The following PTPRD variants were observed in gnomAD, a reference collection of about 807,000 sequenced individuals.
PTPRD encodes the protein protein tyrosine phosphatase receptor type D.
Under a neutral mutation model 214.5 loss-of-function variants are expected in PTPRD, and 34 were observed. The ratio of observed to expected loss-of-function variants is 0.16; its 90% confidence interval spans 0.12 to 0.21. PTPRD has a LOEUF of 0.21. PTPRD is among the 10% of genes least tolerant of loss of function. The probability of loss-of-function intolerance (pLI) is 1.00; values close to 1 mark genes in which losing one functional copy is unlikely to be tolerated. For missense variants in PTPRD, 2,545 were observed against 2,398.7 expected, an observed-to-expected ratio of 1.06 and a Z score of -1.27; for synonymous variants, 1,128 against 845.7, an observed-to-expected ratio of 1.33 and a Z score of -5.79.
At chr9:10,159,408 G>T (rs1031934241) in intron 3 of PTPRD, among the ~76,000 whole-genome samples, 2 of 151,388 alleles carry the variant, frequency 1.3e-5, no homozygotes, top group Non-Finnish European at 2.9e-5. Context: ...AAAAAAGCCA[G>T]GCAGAGAAGT....
chr9:9,729,480 T>C (rs527849435), intron 7 of PTPRD, among the ~76,000 whole-genome samples: 1 of 152,272 alleles, frequency 6.6e-6, no homozygotes, highest in South Asian at 2.1e-4. Flanking sequence ...AAAATATGAT[T>C]TTCTATATGG....
At chr9:9,187,924 T>TA (rs1216997405) in intron 9 of PTPRD, among the ~76,000 whole-genome samples, 4 of 151,784 alleles carry the variant, frequency 2.6e-5, no homozygotes, top group Admixed American at 6.6e-5. Flanking sequence ...TAATTTAAAT[T>TA]AAAAAAATCA....
rs147707813 is a variant in PTPRD at position 10,473,021 on chromosome 9, T to C, written c.-599-132004A>G. Among the ~76,000 whole-genome samples the C allele has an allele frequency of 2.4e-3, 360 of 152,180 alleles. 2 individuals are homozygous for C. Among genetic ancestry groups the C allele is most frequent in the African/African-American group, 8.1e-3 (337 of 41,562 alleles). ...TAATGTATTAAACATTAAGCTTATT[T>C]AATACATTAAGATTATTTTAATGTA... On this transcript the variant is annotated intron_variant, in intron 2 of 45. Transcript: ENST00000381196.
At chr9:9,299,813 ATG>A (rs932739950) in intron 9 of PTPRD, among the ~76,000 whole-genome samples, 3 of 151,402 alleles carry the variant, frequency 2.0e-5, no homozygotes, top group African/African-American at 4.8e-5. Context: ...AAAGACACAT[ATG>A]TGGGATGAGG....
At chr9:8,627,444 T>C (rs772430068) in intron 14 of PTPRD, among the ~76,000 whole-genome samples, 1 of 151,890 alleles carries the variant, frequency 6.6e-6, no homozygotes, top group Non-Finnish European at 1.5e-5. Flanking sequence ...AACATTTCTA[T>C]GGTTCGGTTA....
At chr9:8,669,139 G>C (rs1030522269) in intron 12 of PTPRD, among the ~76,000 whole-genome samples, 7 of 152,102 alleles carry the variant, frequency 4.6e-5, no homozygotes, top group African/African-American at 1.7e-4. Context: ...GAAGATTAGG[G>C]ATGCATGTAG....
chr9:10,343,741 TA>T (rs536152909), intron 2 of PTPRD, among the ~76,000 whole-genome samples: 6,670 of 152,056 alleles, frequency 0.044, 473 homozygotes, highest in African/African-American at 0.15. Flanking sequence ...TGATGAGCAT[TA>T]TTTTCATGTG....
At chr9:8,428,661 G>T (rs913127988) in intron 35 of PTPRD, among the ~76,000 whole-genome samples, 5 of 151,920 alleles carry the variant, frequency 3.3e-5, no homozygotes, top group Non-Finnish European at 7.4e-5. Context: ...ATTCGAAGTT[G>T]GCCAAAAAAA....
intron 2 of PTPRD, among the ~76,000 whole-genome samples, chr9:10,472,614 C>A (rs561630147): frequency 1.3e-5 from 2 of 152,094 alleles, no homozygotes; most frequent in Non-Finnish European, 2.9e-5. Flanking sequence ...TGGGATAACT[C>A]TGCTATGTGT....
chr9:9,245,782 A>G (rs1034883511), intron 9 of PTPRD, among the ~76,000 whole-genome samples: 2 of 152,156 alleles, frequency 1.3e-5, no homozygotes, highest in African/African-American at 2.4e-5. Flanking sequence ...GTAAAAATAA[A>G]TATATACAAT....
chr9:9,060,091 G>C (rs1460604865), intron 10 of PTPRD, among the ~76,000 whole-genome samples: 11 of 152,154 alleles, frequency 7.2e-5, no homozygotes, highest in Admixed American at 7.2e-4. Context: ...GCTAAGAATA[G>C]CTAAACTATT....
chr9:10,075,816 A>G (rs995477169), intron 3 of PTPRD, among the ~76,000 whole-genome samples: 2 of 152,100 alleles, frequency 1.3e-5, no homozygotes, highest in African/African-American at 4.8e-5. Context: ...CAAATAACCA[A>G]GGGCTGAGGT....
At chr9:9,736,148 C>A (rs1355504281) in intron 6 of PTPRD, among the ~76,000 whole-genome samples, 1 of 152,100 alleles carries the variant, frequency 6.6e-6, no homozygotes, top group Non-Finnish European at 1.5e-5. Flanking sequence ...TTGAACATAT[C>A]ATAGGATGTC....
chr9:9,121,872 G>C (rs1043961274), intron 10 of PTPRD, among the ~76,000 whole-genome samples: 5 of 152,084 alleles, frequency 3.3e-5, no homozygotes, highest in African/African-American at 1.2e-4. Flanking sequence ...AACTTGATCA[G>C]ATATATTTTG....
chr9:8,339,841 AAAAC>A (rs201654886), intron 42 of PTPRD, among the ~76,000 whole-genome samples: 6,411 of 152,068 alleles, frequency 0.042, 459 homozygotes, highest in African/African-American at 0.14. Context: ...ATTTCAAAAA[AAAAC>A]AAACCACTTT....
At chr9:9,238,699 T>C (rs1334919382) in intron 9 of PTPRD, among the ~76,000 whole-genome samples, 2 of 152,146 alleles carry the variant, frequency 1.3e-5, no homozygotes, top group Non-Finnish European at 2.9e-5. Context: ...TTCAATAAAA[T>C]GTCCATGCAA....
chr9:9,315,218 T>A (rs141087321), intron 9 of PTPRD, among the ~76,000 whole-genome samples: 1 of 151,992 alleles, frequency 6.6e-6, no homozygotes, highest in Non-Finnish European at 1.5e-5. Context: ...TTGTAATATA[T>A]AACTCCCAAA....
At chr9:8,467,222 C>T (rs2096562271) in intron 31 of PTPRD, among the ~76,000 whole-genome samples, 1 of 151,792 alleles carries the variant, frequency 6.6e-6, no homozygotes, top group South Asian at 2.1e-4. Context: ...GATTGGGCAT[C>T]ACTTGTTTAG....
intron 11 of PTPRD, chr9:8,858,043 C>CCTGCGCCCGCTCCTCCTGCTCGT (rs2097980459): frequency 6.2e-6 from 1 of 160,584 alleles, no homozygotes; most frequent in East Asian, 1.9e-4. Context: ...CTCCTGCTCG[C>CCTGCGCCCGCTCCTCCTGCTCGT]CCTGCGCCCG....
Sources: gnomAD v4.1 joint callset for allele counts (sites outside exome capture counted in the v4.1 genomes callset) on GRCh38, gnomAD v4.1.1 for gene constraint, MANE v1.5 for transcripts, NCBI Gene and HGNC (gene_info 2026-07-23, HGNC 2026-07-21) for gene names.